Variants in GARRE1 observed in about 807,000 individuals in gnomAD.
GARRE1 encodes granule associated Rac and RHOG effector protein 1.
A neutral mutation model predicts 103.2 loss-of-function variants in GARRE1; 49 were observed. That is an observed-to-expected ratio of 0.47 (90% CI 0.38 to 0.60). The LOEUF is 0.60. GARRE1 is among the 20% of genes least tolerant of loss of function. The probability of loss-of-function intolerance (pLI) is 0.00; values close to 1 mark genes in which losing one functional copy is unlikely to be tolerated. For missense variants in GARRE1, 1,199 were observed against 1,370.5 expected, an observed-to-expected ratio of 0.87 and a Z score of 1.98; for synonymous variants, 505 against 532.8, an observed-to-expected ratio of 0.95 and a Z score of 0.72.
At chr19:34,310,944 C>T (rs967320515) in intron 2 of GARRE1, among the ~76,000 whole-genome samples, 1 of 152,056 alleles carries the variant, frequency 6.6e-6, no homozygotes, top group Non-Finnish European at 1.5e-5. Context: ...CTCTGAATAT[C>T]CAATCTCTTT....
intron 2 of GARRE1, among the ~76,000 whole-genome samples, chr19:34,304,967 T>C (rs2074000876): frequency 6.6e-6 from 1 of 151,932 alleles, no homozygotes; most frequent in South Asian, 2.1e-4. Context: ...AATTTTTTTG[T>C]ATTTTTAGTA....
At chr19:34,312,648 C>T (rs545178362) in intron 2 of GARRE1, among the ~76,000 whole-genome samples, 2 of 152,126 alleles carry the variant, frequency 1.3e-5, no homozygotes, top group African/African-American at 4.8e-5. Context: ...AGGCTGTGGC[C>T]GGGCGCGGTG....
chr19:34,268,247 C>A (rs1478257834), intron 1 of GARRE1, among the ~76,000 whole-genome samples: 2 of 152,148 alleles, frequency 1.3e-5, no homozygotes, highest in Non-Finnish European at 2.9e-5. Context: ...ATAGATGAAA[C>A]CTTCCTTTTA....
intron 2 of GARRE1, among the ~76,000 whole-genome samples, chr19:34,306,243 A>G (rs1031055432): frequency 2.6e-5 from 4 of 152,226 alleles, no homozygotes; most frequent in African/African-American, 9.7e-5. Context: ...TTGCCAGGCA[A>G]GGCCTCTACT....
intron 1 of GARRE1, among the ~76,000 whole-genome samples, chr19:34,279,120 C>T (rs1168664097): frequency 3.3e-5 from 5 of 152,200 alleles, no homozygotes; most frequent in Non-Finnish European, 4.4e-5. Context: ...TACCTGCTCA[C>T]GTCCTTGCTT....
chr19:34,347,208 C>A (rs576876343), intron 10 of GARRE1, among the ~76,000 whole-genome samples: 16 of 152,250 alleles, frequency 1.1e-4, no homozygotes, highest in African/African-American at 3.9e-4. Context: ...CCTGCCTCAG[C>A]TTCCCGAGTA....
At chr19:34,323,216 A>G (rs1247144868) in intron 3 of GARRE1, among the ~76,000 whole-genome samples, 1 of 151,432 alleles carries the variant, frequency 6.6e-6, no homozygotes, top group Non-Finnish European at 1.5e-5. Flanking sequence ...TATTTTTAGT[A>G]GAGACAGGGT....
At chr19:34,259,989 GT>G (rs1271159579) in intron 1 of GARRE1, among the ~76,000 whole-genome samples, 1 of 152,196 alleles carries the variant, frequency 6.6e-6, no homozygotes, top group Non-Finnish European at 1.5e-5. Context: ...CCATGAATAT[GT>G]TTTCTGAGGC....
intron 1 of GARRE1, among the ~76,000 whole-genome samples, chr19:34,266,811 C>A (rs1398894375): frequency 6.6e-6 from 1 of 151,618 alleles, no homozygotes; most frequent in Non-Finnish European, 1.5e-5. Flanking sequence ...TTTATATAAT[C>A]CTTCTCCATA....
At chr19:34,314,907 G>T (rs553046428) in intron 2 of GARRE1, among the ~76,000 whole-genome samples, 3 of 152,178 alleles carry the variant, frequency 2.0e-5, no homozygotes, top group Non-Finnish European at 4.4e-5. Context: ...ACATTCTGGT[G>T]TGTAGCTCAT....
intron 10 of GARRE1, among the ~76,000 whole-genome samples, chr19:34,346,090 A>G (rs1239265087): frequency 4.6e-5 from 7 of 152,200 alleles, no homozygotes; most frequent in Admixed American, 4.6e-4. Flanking sequence ...AGGCAAAATC[A>G]GTGCGGGATG....
At chr19:34,264,559 T>C (rs1161524942) in intron 1 of GARRE1, among the ~76,000 whole-genome samples, 3 of 152,076 alleles carry the variant, frequency 2.0e-5, no homozygotes, top group Admixed American at 6.6e-5. Flanking sequence ...CCACCATGCC[T>C]GGCTAATTTT....
chr19:34,270,359 G>C (rs893954455), intron 1 of GARRE1, among the ~76,000 whole-genome samples: 8 of 152,226 alleles, frequency 5.3e-5, no homozygotes, highest in African/African-American at 9.6e-5. Context: ...AGGGGTTGCT[G>C]TTTAGTTGGA....
chr19:34,272,128 A>G lies in GARRE1; in HGVS notation c.-796+17514A>G, dbSNP rs1385486936. ...CAGGACGGGGACCATCTGGAATAAC[A>G]CCTTAAGTTTGGGTTAAAAGTTGGT... On this transcript the variant is annotated intron_variant, in intron 1 of 13. Coordinates refer to ENST00000299505, the MANE Select transcript of GARRE1 (RefSeq NM_014686.5). Among the ~76,000 whole-genome samples the G allele has an allele frequency of 4.6e-5, 7 of 152,296 alleles. No homozygotes were observed. In the East Asian group the frequency reaches 7.7e-4, roughly 17 times the overall value.
intron 10 of GARRE1, among the ~76,000 whole-genome samples, chr19:34,342,899 T>C (rs1381641325): frequency 6.6e-6 from 1 of 151,986 alleles, no homozygotes; most frequent in African/African-American, 2.4e-5. Flanking sequence ...CCTGCCTTCA[T>C]AGAATACAGC....
intron 1 of GARRE1, among the ~76,000 whole-genome samples, chr19:34,269,656 G>C (rs2073774612): frequency 6.6e-6 from 1 of 152,064 alleles, no homozygotes; most frequent in South Asian, 2.1e-4. Flanking sequence ...ATGAACACCT[G>C]GGCCCAAGTG....
In GARRE1 at chr19:34,338,864, C is replaced by G. The variant is rs2074172583; in HGVS notation, c.1362-1003C>G. On this transcript the variant is annotated intron_variant, in intron 8 of 13. Transcript: ENST00000299505. ...TGATTGGCACTACAGGAAGCTCACT[C>G]TGGCCCCTATATGAAGGATGGGCTT... 2.0e-5 allele frequency among the ~76,000 whole-genome samples: 3 copies of G among 152,222 alleles called. No individual in the cohort carries two copies. The South Asian group carries it at 6.2e-4, about 32-fold the overall frequency.
chr19:34,294,762 T>C (rs2073938247), intron 1 of GARRE1, among the ~76,000 whole-genome samples: 1 of 152,158 alleles, frequency 6.6e-6, no homozygotes, highest in African/African-American at 2.4e-5. Flanking sequence ...TGGAGTACAG[T>C]GGTGTGATCC....
chr19:34,339,720 CTGT>C (rs1259523553), intron 8 of GARRE1, 144 bp from the exon 9 acceptor site: 2 of 885,346 alleles, frequency 2.3e-6, no homozygotes, highest in African/African-American at 1.7e-5. Flanking sequence ...AGGATCAGCC[CTGT>C]TGTTCTCTCC....
Sources: gnomAD v4.1 joint callset for allele counts (sites outside exome capture counted in the v4.1 genomes callset) on GRCh38, gnomAD v4.1.1 for gene constraint, MANE v1.5 for transcripts, NCBI Gene and HGNC (gene_info 2026-07-23, HGNC 2026-07-21) for gene names.